The following ACER2 variants were observed in gnomAD, a reference collection of about 807,000 sequenced individuals.
The protein encoded by ACER2 is alkCDase 2.
ACER2 carries 26 observed loss-of-function variants against 34.7 expected under a neutral mutation model. The observed-to-expected ratio is 0.75, with a 90% CI of 0.55 to 1.04. ACER2 has a LOEUF of 1.04. ACER2 is among the 50% of genes least tolerant of loss of function. The pLI is 0.00. For synonymous variants in ACER2, 138 were observed against 132.1 expected (o/e 1.04, Z -0.31); for missense variants, 352 against 340.8 (o/e 1.03, Z -0.26).
At chr9:19,443,276 C>T (rs541677432) in intron 4 of ACER2, among the ~76,000 whole-genome samples, 111 of 152,306 alleles carry the variant, frequency 7.3e-4, no homozygotes, top group African/African-American at 2.6e-3. Context: ...TCGTGATCCA[C>T]CTGCTTCAGC....
chr9:19,438,322 T>A (rs1168025978), intron 4 of ACER2, among the ~76,000 whole-genome samples: 2 of 152,260 alleles, frequency 1.3e-5, no homozygotes, highest in Non-Finnish European at 2.9e-5. Context: ...CTTGCCACTA[T>A]GTTTCAGCAA....
At chr9:19,428,052 C>CCTTTCCTTT (rs1830632065) in intron 3 of ACER2, among the ~76,000 whole-genome samples, 1 of 122,696 alleles carries the variant, frequency 8.2e-6, no homozygotes, top group South Asian at 3.0e-4. Context: ...CCTTTCCTTT[C>CCTTTCCTTT]CTTTCCTTTC....
rs1161944523 is a variant in ACER2, at chr9:19,450,503, T to A, written c.695T>A (p.Phe232Tyr). 1.2e-6 allele frequency: 2 copies of A among 1,612,498 alleles called. No individual in the cohort carries two copies. Among genetic ancestry groups the A allele is most frequent in the Non-Finnish European group, 1.7e-6 (2 of 1,178,722 alleles). Residue 232 changes from phenylalanine (F) to tyrosine (Y), a missense_variant, in exon 6 of 6, where the codon TTT (phenylalanine) becomes TAT (tyrosine). By Grantham distance (22) the Phe-to-Tyr change is conservative (BLOSUM62 3). Transcript: ENST00000340967. ...CTGGGCTGTGTATGCTTTGCCTACT[T>A]TGATGCTGCCTCAGAGATTCCTGAG... Reference protein sequence around the residue: ...AYLGCVCFAYFDAASEIPEQG... With the variant: ...AYLGCVCFAYYDAASEIPEQG...
intron 4 of ACER2, 44 bp from the exon 5 acceptor site, chr9:19,446,237 G>T: frequency 6.2e-7 from 1 of 1,614,050 alleles, no homozygotes; most frequent in South Asian, 1.1e-5. Flanking sequence ...CAAGGAGGTG[G>T]AGACAAGGTC....
intron 1 of ACER2, among the ~76,000 whole-genome samples, chr9:19,412,281 G>A (rs748307882): frequency 1.3e-5 from 2 of 152,156 alleles, no homozygotes; most frequent in Admixed American, 6.5e-5. Flanking sequence ...AAGTTGTAGA[G>A]TGAAAAATAA....
chr9:19,447,570 G>C (rs976594286), intron 5 of ACER2, among the ~76,000 whole-genome samples: 1 of 152,084 alleles, frequency 6.6e-6, no homozygotes, highest in African/African-American at 2.4e-5. Context: ...ATAATTTCCA[G>C]ATAACAAAAT....
At chr9:19,436,893 G>A (rs1448106582) in intron 4 of ACER2, among the ~76,000 whole-genome samples, 1 of 152,088 alleles carries the variant, frequency 6.6e-6, no homozygotes, top group Non-Finnish European at 1.5e-5. Context: ...CTTGTTTTCA[G>A]TGCTCCCTAT....
At chr9:19,434,229 G>C (rs1830873008) in intron 3 of ACER2, among the ~76,000 whole-genome samples, 1 of 151,992 alleles carries the variant, frequency 6.6e-6, no homozygotes, top group African/African-American at 2.4e-5. Context: ...GCCGGGAAGA[G>C]GCGCTCCTCA....
chr9:19,440,260 A>G (rs1469292891), intron 4 of ACER2, among the ~76,000 whole-genome samples: 1 of 152,124 alleles, frequency 6.6e-6, no homozygotes, highest in Non-Finnish European at 1.5e-5. Flanking sequence ...TCTCTTGCGT[A>G]GACTCCTACT....
chr9:19,427,719 T>G (rs1830613650), intron 3 of ACER2, among the ~76,000 whole-genome samples: 1 of 147,498 alleles, frequency 6.8e-6, no homozygotes, highest in African/African-American at 2.6e-5. Context: ...CAGGCTGGAG[T>G]GCTGTGGCAC....
chr9:19,409,491 ATTCTC>A, intron 1 of ACER2, among the ~76,000 whole-genome samples: 1 of 151,934 alleles, frequency 6.6e-6, no homozygotes, highest in Non-Finnish European at 1.5e-5. Context: ...GTGTCAGCCC[ATTCTC>A]CTTGTTTGGG....
At chr9:19,409,328 C>T in intron 1 of ACER2, 136 bp downstream of exon 1, 1 of 764,130 alleles carries the variant, frequency 1.3e-6, no homozygotes, top group Non-Finnish European at 2.1e-6. Flanking sequence ...TCAGTCCACA[C>T]CCCCTCCTCG....
At chr9:19,439,361 G>T (rs1449003254) in intron 4 of ACER2, among the ~76,000 whole-genome samples, 2 of 105,948 alleles carry the variant, frequency 1.9e-5, no homozygotes, top group East Asian at 2.6e-4. Flanking sequence ...TTTTTTTGGA[G>T]ACGTAGTCTC....
chr9:19,447,373 A>G (rs1210318479), intron 5 of ACER2, among the ~76,000 whole-genome samples: 1 of 152,222 alleles, frequency 6.6e-6, no homozygotes, highest in Non-Finnish European at 1.5e-5. Flanking sequence ...GTGAACTTTG[A>G]TATATTTGCT....
chr9:19,423,927 A>C lies in ACER2; in HGVS notation c.174A>C (p.Thr58=). The change falls in exon 2 of 6, where the codon ACA becomes ACC. Residue 58 remains threonine, a synonymous_variant. Coordinates refer to ENST00000340967, the MANE Select transcript of ACER2 (RefSeq NM_001010887.3). ...ICMCLFRQYA[T]CFNSGIYLIW... is the part of the protein sequence containing the mutation. ...TGTGCTTGTTTCGTCAGTATGCAAC[A>C]TGCTTCAACAGTGGCATCTACTTAA... The C allele has an allele frequency of 1.9e-6, 3 of 1,614,116 alleles. No homozygotes were observed. The highest frequency in any genetic ancestry group is 2.2e-5 in the South Asian group (2 of 91,074).
At chr9:19,438,497 C>A (rs1831044077) in intron 4 of ACER2, among the ~76,000 whole-genome samples, 2 of 152,194 alleles carry the variant, frequency 1.3e-5, no homozygotes, top group Admixed American at 1.3e-4. Flanking sequence ...GCCTTTGGCT[C>A]CATTTGCATC....
At chr9:19,436,370 C>T (rs960112556) in intron 4 of ACER2, among the ~76,000 whole-genome samples, 3 of 151,656 alleles carry the variant, frequency 2.0e-5, no homozygotes, top group African/African-American at 7.3e-5. Flanking sequence ...TATAGACAAG[C>T]AAAAAAGAAA....
intron 4 of ACER2, among the ~76,000 whole-genome samples, chr9:19,436,785 G>C (rs1830991136): frequency 6.6e-6 from 1 of 152,122 alleles, no homozygotes; most frequent in African/African-American, 2.4e-5. Context: ...TTCATTATTA[G>C]AAATATCTCT....
At chr9:19,420,288 C>T (rs1483287949) in intron 1 of ACER2, among the ~76,000 whole-genome samples, 4 of 152,182 alleles carry the variant, frequency 2.6e-5, no homozygotes, top group Non-Finnish European at 4.4e-5. Flanking sequence ...CAACCCTATT[C>T]ACCTATTTTT....
Sources: allele counts gnomAD v4.1 joint callset (sites outside exome capture counted in the v4.1 genomes callset), GRCh38; gene constraint gnomAD v4.1.1; transcripts MANE v1.5; gene names NCBI Gene and HGNC (gene_info 2026-07-23, HGNC 2026-07-21).